PARD3B: variants seen among roughly 807,000 people sequenced by gnomAD.
PARD3B encodes par-3 family cell polarity regulator beta.
Under a neutral mutation model 130.2 loss-of-function variants are expected in PARD3B, and 103 were observed. The observed-to-expected ratio is 0.79, with a 90% CI of 0.67 to 0.93. PARD3B has a LOEUF of 0.93. Among genes scored for constraint, PARD3B ranks in the 40% least tolerant of loss-of-function variants. The pLI is 0.00. For synonymous variants in PARD3B, 583 were observed against 553.2 expected (o/e 1.05, Z -0.76); for missense variants, 1,609 against 1,499.2 (o/e 1.07, Z -1.21).
intron 2 of PARD3B, among the ~76,000 whole-genome samples, chr2:204,765,275 T>C (rs1456191930): frequency 6.6e-6 from 1 of 152,204 alleles, no homozygotes; most frequent in East Asian, 1.9e-4. Context: ...CAAGACCTGC[T>C]GAATCAGAAA....
At position 204,962,752 on chromosome 2, in the gene PARD3B, G is replaced by A. The variant is rs1022991689; in HGVS notation, c.223-2400G>A. On this transcript the variant is annotated intron_variant, in intron 2 of 22. Transcript: ENST00000406610. ...TATTGTAGATGTTGAGATGAAGACT[G>A]GATGCAGAGTCTCTGTTCAGCAAGC... 1.1e-4 allele frequency among the ~76,000 whole-genome samples: 17 copies of A among 152,284 alleles called. No homozygotes were observed. The South Asian group carries it at 3.5e-3, about 32-fold the overall frequency.
In PARD3B at chr2:205,396,455, G is replaced by A. The variant is rs551098039; in HGVS notation, c.2631-4558G>A. Among the ~76,000 whole-genome samples the A allele has an allele frequency of 2.6e-5, 4 of 152,244 alleles. No individual in the cohort carries two copies. The East Asian group carries it at 5.8e-4, about 22-fold the overall frequency. ...AAGGAAAGAAGAAAGATTTTTCCAT[G>A]AATCTGTTTCATATGACCTCTATAG... is the stretch of plus-strand genomic sequence containing the variant. On this transcript the variant is annotated intron_variant, in intron 18 of 22. Transcript: ENST00000406610.
chr2:205,224,980 T>C (rs566782603), intron 15 of PARD3B, among the ~76,000 whole-genome samples: 1 of 152,184 alleles, frequency 6.6e-6, no homozygotes, highest in African/African-American at 2.4e-5. Flanking sequence ...ATTATTTATA[T>C]GTACATTTTC....
chr2:204,848,153 G>A (rs1202107484), intron 2 of PARD3B, among the ~76,000 whole-genome samples: 3 of 151,942 alleles, frequency 2.0e-5, no homozygotes, highest in African/African-American at 7.3e-5. Context: ...AGTTTATAAA[G>A]TTTATAAGTT....
At position 205,176,491 on chromosome 2, in the gene PARD3B, G is replaced by T; in HGVS notation, c.1838G>T (p.Cys613Phe). ...TTTTCCAAGCCATGCTTTGAGAACT[G>T]TCAAAATGCTGTAACCACCTCTAGG... Reference protein sequence around the residue: ...GAFSKPCFENCQNAVTTSRRN... With the variant: ...GAFSKPCFENFQNAVTTSRRN... Residue 613 changes from cysteine (C) to phenylalanine (F), a missense_variant, in exon 13 of 23, where the codon TGT becomes TTT. Physicochemically the swap from Cys to Phe is radical, Grantham distance 205 (BLOSUM62 -2). Transcript: ENST00000406610. The surrounding 1 kb of genome is among the most constrained non-coding windows in gnomAD (Gnocchi z 5.3). 6.2e-7 allele frequency: 1 copy of T among 1,612,674 alleles called. No homozygotes were observed. The highest frequency in any genetic ancestry group is 8.5e-7 in the Non-Finnish European group (1 of 1,179,056).
intron 21 of PARD3B, among the ~76,000 whole-genome samples, chr2:205,548,498 C>T (rs2052473933): frequency 1.3e-5 from 2 of 152,086 alleles, no homozygotes; most frequent in South Asian, 2.1e-4. Flanking sequence ...ACCTCACTCC[C>T]TTTAATCCAC....
In PARD3B at chr2:205,399,442, C is replaced by T. The variant is rs751627276; in HGVS notation, c.2631-1571C>T. Among the ~76,000 whole-genome samples, 12 of 151,988 alleles carry T rather than the reference C, an allele frequency of 7.9e-5. No homozygotes were observed. The South Asian group carries it at 2.5e-3, about 32-fold the overall frequency. On this transcript the variant is annotated intron_variant, in intron 18 of 22. Transcript: ENST00000406610. ...CCATCTCGGCTCACTGCAACCTCTG[C>T]CTCCTGTGTTCAAGTGATTCTCCTG...
intron 2 of PARD3B, among the ~76,000 whole-genome samples, chr2:204,959,699 G>A (rs554013322): frequency 1.1e-4 from 17 of 152,278 alleles, no homozygotes; most frequent in East Asian, 5.8e-4. Flanking sequence ...CTAAAATAAG[G>A]TTTATGGATA....
chr2:205,570,255 GGTGA>G (rs1445874351), intron 22 of PARD3B, among the ~76,000 whole-genome samples: 2 of 152,074 alleles, frequency 1.3e-5, no homozygotes, highest in East Asian at 1.9e-4. Flanking sequence ...TGGGGGAAAG[GGTGA>G]GTGAGAATTT....
rs774916479 is a variant in PARD3B at position 204,965,218 on chromosome 2, G to T, written c.289G>T (p.Asp97Tyr). The T allele has an allele frequency of 3.7e-6, 6 of 1,613,962 alleles. No homozygotes were observed. In the South Asian group the frequency reaches 6.6e-5, roughly 18 times the overall value. ...KIESPSGNPA[D>Y]RQSPDAFETE... is the part of the protein sequence containing the mutation. ...TGAGAGCCCCAGTGGAAACCCTGCA[G>T]ATCGGCAGAGCCCAGATGCTTTTGA... Residue 97 changes from aspartate (D) to tyrosine (Y), a missense_variant, in exon 3 of 23, where the codon GAT (aspartate) becomes TAT (tyrosine). Coordinates refer to ENST00000406610, the MANE Select transcript of PARD3B (RefSeq NM_001302769.2).
intron 18 of PARD3B, among the ~76,000 whole-genome samples, chr2:205,340,900 C>T (rs922802667): frequency 1.3e-5 from 2 of 151,622 alleles, no homozygotes; most frequent in Non-Finnish European, 1.5e-5. Flanking sequence ...ACTCAACAGC[C>T]GAAAAACAAA....
At position 205,341,742 on chromosome 2, in the gene PARD3B, G is replaced by A. The variant is rs112268035; in HGVS notation, c.2630+40041G>A. The stretch of plus-strand genomic sequence containing the variant: ...AGAGGATTTTGAATGTTCCCAACAC[G>A]AAGAAATGATGCATGTTTGAAATGA... On this transcript the variant is annotated intron_variant, in intron 18 of 22. Transcript: ENST00000406610. This position sits in a 1 kb window ranked among gnomAD's most constrained non-coding sequence, Gnocchi z 4.3. 0.034 allele frequency among the ~76,000 whole-genome samples: 5,215 copies of A among 152,098 alleles called. 105 individuals are homozygous for A. The highest frequency in any genetic ancestry group is 0.058 in the Middle Eastern group (17 of 294).
intron 18 of PARD3B, among the ~76,000 whole-genome samples, chr2:205,371,203 C>T (rs1034339946): frequency 6.6e-6 from 1 of 152,190 alleles, no homozygotes; most frequent in African/African-American, 2.4e-5. Flanking sequence ...TGAATATTCA[C>T]TTTTAATGTC....
chr2:204,554,170 T>C (rs936893915), intron 1 of PARD3B, among the ~76,000 whole-genome samples: 1 of 152,176 alleles, frequency 6.6e-6, no homozygotes, highest in African/African-American at 2.4e-5. Flanking sequence ...CCTCTACGTC[T>C]TAGCACTACA....
At chr2:205,140,751 A>G (rs901032747) in intron 10 of PARD3B, among the ~76,000 whole-genome samples, 6 of 152,210 alleles carry the variant, frequency 3.9e-5, no homozygotes, top group African/African-American at 1.4e-4. Flanking sequence ...ATTATAACAC[A>G]TTAGTAAATG....
chr2:205,566,567 G>T (rs966853566), intron 22 of PARD3B, among the ~76,000 whole-genome samples: 1 of 152,156 alleles, frequency 6.6e-6, no homozygotes, highest in African/African-American at 2.4e-5. Context: ...GGCAGGGAGA[G>T]ATCATGGTTA....
At chr2:204,909,676 A>G (rs1002872797) in intron 2 of PARD3B, among the ~76,000 whole-genome samples, 1 of 152,164 alleles carries the variant, frequency 6.6e-6, no homozygotes, top group Non-Finnish European at 1.5e-5. Flanking sequence ...TCAGTTGTTA[A>G]TACTGATTAA....
intron 1 of PARD3B, among the ~76,000 whole-genome samples, chr2:204,576,308 C>G (rs112354838): frequency 1.3e-5 from 2 of 152,134 alleles, no homozygotes; most frequent in Non-Finnish European, 2.9e-5. Context: ...GAAGTTTGTG[C>G]GCAAGTACCC....
intron 15 of PARD3B, among the ~76,000 whole-genome samples, chr2:205,240,916 TGTGTAA>T (rs1356923412): frequency 2.0e-5 from 3 of 152,212 alleles, no homozygotes. Context: ...GAAGCCAATG[TGTGTAA>T]GTATTATGTG....
Sources: gnomAD v4.1 joint callset for allele counts (sites outside exome capture counted in the v4.1 genomes callset) on GRCh38, gnomAD v4.1.1 for gene constraint, Gnocchi (gnomAD v3.1) non-coding constraint, MANE v1.5 for transcripts, NCBI Gene and HGNC (gene_info 2026-07-23, HGNC 2026-07-21) for gene names.